The following SLC25A25 variants were observed in gnomAD, a reference collection of about 807,000 sequenced individuals.
SLC25A25 encodes solute carrier family 25 member 25.
SLC25A25 carries 32 observed loss-of-function variants against 57.7 expected under a neutral mutation model. The ratio of observed to expected loss-of-function variants is 0.55; its 90% confidence interval spans 0.42 to 0.74. The LOEUF (loss-of-function observed/expected upper bound fraction) is 0.74. Ranked by LOEUF, SLC25A25 falls within the 30% of genes least tolerant of loss-of-function variation. The pLI is 0.00. For missense variants in SLC25A25, 556 were observed against 701.3 expected, an observed-to-expected ratio of 0.79 and a Z score of 2.34; for synonymous variants, 306 against 291.2, an observed-to-expected ratio of 1.05 and a Z score of -0.52.
At chr9:128,079,771 T>TTG (rs1833105767) in intron 1 of SLC25A25, among the ~76,000 whole-genome samples, 2 of 150,178 alleles carry the variant, frequency 1.3e-5, no homozygotes, top group African/African-American at 4.9e-5. Flanking sequence ...GGCGGGCGGA[T>TTG]CACGAGGTCA....
At chr9:128,105,620 G>C (rs1588794089) in intron 6 of SLC25A25, 109 bp from the exon 7 acceptor site, 1 of 1,532,670 alleles carries the variant, frequency 6.5e-7, no homozygotes, top group East Asian at 2.2e-5. Flanking sequence ...ATGCACGGAA[G>C]AAAGGGCCTT....
Position 128,101,337 on chromosome 9 carries a change from G to T in SLC25A25, c.417G>T (p.Gln139His). ...GCATTGACGCGCAGGAGATCATGCA[G>T]TCCCTGCGGGACTTGGGAGTCAAGA... ...DGRIDAQEIM[Q>H]SLRDLGVKIS... Residue 139 changes from glutamine to histidine, a missense_variant, in exon 3 of 11, where the codon CAG becomes CAT. By Grantham distance (24) the Gln-to-His change is conservative. This residue lies in a region of SLC25A25 where 248 missense variants were observed against 273.5 expected (regional missense o/e 0.91). Transcript: ENST00000373069. The surrounding 1 kb of genome is among the most constrained non-coding windows in gnomAD (Gnocchi z 4.9). 1.9e-6 allele frequency: 3 copies of T among 1,614,266 alleles called. No homozygotes were observed. Among genetic ancestry groups the T allele is most frequent in the Non-Finnish European group, 2.5e-6 (3 of 1,180,052 alleles).
Position 128,106,396 on chromosome 9 carries a change from C to T in SLC25A25, c.1088C>T (p.Ser363Leu). ...RMALRKTGQY[S>L]GMLDCARRIL... ...GCGCTGCGGAAGACAGGCCAGTACT[C>T]AGGAATGCTGGACTGCGCCAGGAGG... Residue 363 changes from serine (S) to leucine (L), a missense_variant, in exon 9 of 11, where the codon TCA (serine) becomes TTA (leucine). Transcript: ENST00000373069. 1 of 1,613,778 alleles carries T rather than the reference C, an allele frequency of 6.2e-7. No homozygotes were observed. Among genetic ancestry groups the T allele is most frequent in the Non-Finnish European group, 8.5e-7 (1 of 1,179,928 alleles).
chr9:128,095,314 G>A lies in SLC25A25; in HGVS notation c.262-5782G>A, dbSNP rs1220424383. On this transcript the variant is annotated intron_variant, in intron 1 of 10. Coordinates refer to ENST00000373069, the MANE Select transcript of SLC25A25 (RefSeq NM_001330988.2). This position sits in a 1 kb window ranked among gnomAD's most constrained non-coding sequence, Gnocchi z 4.4. Reference sequence around the variant, plus strand: ...GGATGTTGTAACAAGAACCCTGGGTGCAAGGCCCTGCCCTGCCCTTGACAG... The same window carrying A: ...GGATGTTGTAACAAGAACCCTGGGTACAAGGCCCTGCCCTGCCCTTGACAG... 2.0e-5 allele frequency among the ~76,000 whole-genome samples: 3 copies of A among 152,212 alleles called. No individual in the cohort carries two copies. Among genetic ancestry groups the A allele is most frequent in the African/African-American group, 7.2e-5 (3 of 41,448 alleles).
intron 1 of SLC25A25, chr9:128,098,711 C>T (rs144731034): frequency 6.3e-5 from 102 of 1,614,002 alleles, no homozygotes; most frequent in Admixed American, 8.3e-5. Context: ...CTCCACCTAC[C>T]GCCAGTGGAA....
At position 128,099,188 on chromosome 9, in the gene SLC25A25, C is replaced by A; in HGVS notation, c.262-1908C>A. 1 of 1,265,868 alleles carries A rather than the reference C, an allele frequency of 7.9e-7. No individual in the cohort carries two copies. The highest frequency in any genetic ancestry group is 1.0e-6 in the Non-Finnish European group (1 of 979,474). 78.4% of individuals were successfully genotyped at this position (1,265,868 alleles called of 1,614,324 possible). A position where few individuals can be genotyped will look rare whatever the true frequency, so the allele number is the denominator to read the frequency against. ...GCTGTGGAACAGGGCCTGTGTCTGC[C>A]CTGAAAGTGAGGAAGCCGAGCTGCA... On this transcript the variant is annotated intron_variant, in intron 1 of 10. Coordinates refer to ENST00000373069, the MANE Select transcript of SLC25A25 (RefSeq NM_001330988.2). The surrounding 1 kb of genome is among the most constrained non-coding windows in gnomAD (Gnocchi z 6.8).
At chr9:128,089,787 C>T (rs1299205998) in intron 1 of SLC25A25, among the ~76,000 whole-genome samples, 1 of 151,940 alleles carries the variant, frequency 6.6e-6, no homozygotes, top group Non-Finnish European at 1.5e-5. Flanking sequence ...ACAGGCACCA[C>T]GATGCCTGGC....
intron 1 of SLC25A25, among the ~76,000 whole-genome samples, chr9:128,086,789 T>C (rs1833285999): frequency 1.3e-5 from 2 of 152,186 alleles, no homozygotes; most frequent in African/African-American, 2.4e-5. Flanking sequence ...TTTTAGAATC[T>C]TAAACAGTAT....
chr9:128,092,157 A>T, intron 1 of SLC25A25: 2 of 1,557,246 alleles, frequency 1.3e-6, no homozygotes, highest in Non-Finnish European at 1.7e-6. Flanking sequence ...TGGGGAAAAA[A>T]CGAGTGTGGG....
intron 1 of SLC25A25, among the ~76,000 whole-genome samples, chr9:128,074,130 C>T (rs1832960542): frequency 6.6e-6 from 1 of 152,064 alleles, no homozygotes; most frequent in Non-Finnish European, 1.5e-5. Context: ...ACCTCCACCT[C>T]CCTGGTTTAA....
intron 6 of SLC25A25, 129 bp from the exon 7 acceptor site, chr9:128,105,600 T>G (rs1212139654): frequency 7.2e-7 from 1 of 1,396,312 alleles, no homozygotes; most frequent in Non-Finnish European, 1.0e-6. Flanking sequence ...ATTCCAAGCT[T>G]GTCTTCAAAA....
chr9:128,072,715 CATT>C (rs1418679456), intron 1 of SLC25A25, among the ~76,000 whole-genome samples: 1 of 152,078 alleles, frequency 6.6e-6, no homozygotes, highest in East Asian at 1.9e-4. Flanking sequence ...GGGAAGAGTT[CATT>C]AAAGAAGAAA....
Position 128,107,621 on chromosome 9 carries a change from G to A in SLC25A25, c.*177G>A, listed in dbSNP as rs552462679. 1 of 597,234 alleles carries A rather than the reference G, an allele frequency of 1.7e-6. No individual in the cohort carries two copies. Among genetic ancestry groups the A allele is most frequent in the African/African-American group, 1.9e-5 (1 of 53,986 alleles). 37.0% of individuals were successfully genotyped at this position (597,234 alleles called of 1,614,324 possible). A position where few individuals can be genotyped will look rare whatever the true frequency, so the allele number is the denominator to read the frequency against. On this transcript the variant is annotated 3_prime_UTR_variant, in exon 11 of 11. Coordinates refer to ENST00000373069, the MANE Select transcript of SLC25A25 (RefSeq NM_001330988.2). The stretch of plus-strand genomic sequence containing the variant: ...TGGCAGGCCCAGGGCTTGTCCTGCT[G>A]ACCCCAGCAGACCCTCCTGTTGGTT...
intron 1 of SLC25A25, among the ~76,000 whole-genome samples, chr9:128,079,611 A>G (rs1365011238): frequency 6.7e-6 from 1 of 148,764 alleles, no homozygotes; most frequent in African/African-American, 2.5e-5. Flanking sequence ...TACAAAAAAA[A>G]AAAAAAAAAA....
chr9:128,105,818 C>T lies in SLC25A25; in HGVS notation c.873C>T (p.Gly291=). 6.2e-7 allele frequency: 1 copy of T among 1,614,156 alleles called. No homozygotes were observed. The highest frequency in any genetic ancestry group is 1.3e-5 in the African/African-American group (1 of 75,062). ...GAGGGGCCAGGTCACTCTGGCGGGG[C>T]AATGGCATCAACGTCCTCAAAATTG... ...REGGARSLWR[G]NGINVLKIAP... is the part of the protein sequence containing the mutation. The change falls in exon 7 of 11, where the codon GGC becomes GGT. Residue 291 remains glycine (G), a synonymous_variant. Coordinates refer to ENST00000373069, the MANE Select transcript of SLC25A25 (RefSeq NM_001330988.2).
intron 1 of SLC25A25, among the ~76,000 whole-genome samples, chr9:128,082,505 A>T (rs529647206): frequency 6.6e-6 from 1 of 152,154 alleles, no homozygotes; most frequent in Non-Finnish European, 1.5e-5. Context: ...TTCACCTGCT[A>T]CAGTCCTGCC....
intron 1 of SLC25A25, among the ~76,000 whole-genome samples, chr9:128,079,300 C>G (rs553188643): frequency 1.3e-5 from 2 of 151,858 alleles, no homozygotes; most frequent in Admixed American, 1.3e-4. Flanking sequence ...TCCTCCTGTC[C>G]TCCCTCCCTG....
At chr9:128,088,474 C>T (rs913970153) in intron 1 of SLC25A25, among the ~76,000 whole-genome samples, 48 of 152,200 alleles carry the variant, frequency 3.2e-4, no homozygotes, top group African/African-American at 1.1e-3. Flanking sequence ...GCCTGGCCTC[C>T]CCAGCCTCTC....
intron 1 of SLC25A25, among the ~76,000 whole-genome samples, chr9:128,089,728 G>A (rs749000304): frequency 1.3e-5 from 2 of 150,628 alleles, no homozygotes; most frequent in Non-Finnish European, 2.9e-5. Context: ...GACCACCCAT[G>A]CTCAAGTGAT....
Sources: allele counts gnomAD v4.1 joint callset (sites outside exome capture counted in the v4.1 genomes callset), GRCh38; gene constraint gnomAD v4.1.1; regional missense constraint gnomAD v4.1.1; non-coding constraint Gnocchi (gnomAD v3.1); transcripts MANE v1.5; gene names NCBI Gene and HGNC (gene_info 2026-07-23, HGNC 2026-07-21).